The following EPG5 variants were observed in gnomAD, a reference collection of about 807,000 sequenced individuals.
EPG5 encodes the protein ectopic P-granules 5 autophagy tethering factor.
Under a neutral mutation model 302.7 loss-of-function variants are expected in EPG5, and 159 were observed. The ratio of observed to expected loss-of-function variants is 0.53; its 90% CI spans 0.46 to 0.60. The LOEUF (loss-of-function observed/expected upper bound fraction) is 0.60. Among genes scored for constraint, EPG5 ranks in the 20% least tolerant of loss-of-function variants. The pLI, the probability that EPG5 is intolerant of heterozygous loss-of-function variation, is 0.00. For synonymous variants in EPG5, 1,158 were observed against 1,136.8 expected, an observed-to-expected ratio of 1.02 and a Z score of -0.37; for missense variants, 2,896 against 3,092.4, an observed-to-expected ratio of 0.94 and a Z score of 1.51.
intron 24 of EPG5, among the ~76,000 whole-genome samples, chr18:45,906,289 T>G (rs528801820): frequency 6.6e-6 from 1 of 152,336 alleles, no homozygotes; most frequent in Admixed American, 6.5e-5. Context: ...GCTATTTCAA[T>G]AGTTCTCCAA....
chr18:45,802,829 A>T, the EPG5 span, among the ~76,000 whole-genome samples: 1 of 152,230 alleles, frequency 6.6e-6, no homozygotes, highest in African/African-American at 2.4e-5. Flanking sequence ...CTGGTAAATC[A>T]AGTTTATACC....
chr18:45,917,962 A>G, intron 16 of EPG5, 143 bp from the exon 17 acceptor site: 1 of 748,168 alleles, frequency 1.3e-6, no homozygotes, highest in East Asian at 2.9e-5. Flanking sequence ...ACACAGAAAT[A>G]CTAAACCCAG....
the EPG5 span, among the ~76,000 whole-genome samples, chr18:45,841,593 C>T: frequency 5.0e-3 from 758 of 152,108 alleles, 3 homozygotes; most frequent in Non-Finnish European, 7.2e-3. Flanking sequence ...AGTGGGTAGA[C>T]GGGAGGCAGG....
chr18:45,887,081 TGA>T (rs1358896251), intron 29 of EPG5, among the ~76,000 whole-genome samples: 1 of 152,228 alleles, frequency 6.6e-6, no homozygotes, highest in African/African-American at 2.4e-5. Context: ...TGAATTTGGG[TGA>T]GAGTACATGG....
chr18:45,898,619 A>G (rs2049533102), intron 27 of EPG5, among the ~76,000 whole-genome samples: 1 of 152,108 alleles, frequency 6.6e-6, no homozygotes, highest in Non-Finnish European at 1.5e-5. Context: ...TCTGCTTCCC[A>G]TATATCCTTC....
At chr18:45,946,041 A>G (rs1269340163) in intron 7 of EPG5, among the ~76,000 whole-genome samples, 1 of 152,252 alleles carries the variant, frequency 6.6e-6, no homozygotes. Context: ...ATAAAGGACT[A>G]GAACTGATAA....
At chr18:45,929,067 C>A (rs571789371) in intron 12 of EPG5, 58 bp from the exon 13 acceptor site, 2 of 1,518,810 alleles carry the variant, frequency 1.3e-6, no homozygotes, top group East Asian at 2.3e-5. Flanking sequence ...GCAGTCAAAA[C>A]ACACTTATAT....
chr18:45,865,027 C>G (rs958848359), intron 39 of EPG5, among the ~76,000 whole-genome samples: 6 of 152,296 alleles, frequency 3.9e-5, no homozygotes, highest in Admixed American at 3.3e-4. Flanking sequence ...ACCACCTCCC[C>G]CTAATATCCA....
the EPG5 span, among the ~76,000 whole-genome samples, chr18:45,829,622 C>T: frequency 1.3e-5 from 2 of 152,138 alleles, no homozygotes; most frequent in East Asian, 1.9e-4. Context: ...GTGCCACCCC[C>T]GGAGCCACAC....
At chr18:45,840,299 C>G in the EPG5 span, 20 of 1,553,322 alleles carry the variant, frequency 1.3e-5, no homozygotes, top group Non-Finnish European at 1.7e-5. Context: ...CCTCATCACC[C>G]AGGGGGTCCA....
intron 13 of EPG5, among the ~76,000 whole-genome samples, chr18:45,928,006 C>T (rs1285955919): frequency 6.6e-6 from 1 of 151,968 alleles, no homozygotes; most frequent in African/African-American, 2.4e-5. Flanking sequence ...CCAGCCTGAC[C>T]AACACAGTGA....
At chr18:45,820,197 A>T in the EPG5 span, among the ~76,000 whole-genome samples, 1 of 152,216 alleles carries the variant, frequency 6.6e-6, no homozygotes, top group Non-Finnish European at 1.5e-5. Context: ...GACTATCTCC[A>T]TCCAGAATGA....
chr18:45,926,681 T>C (rs1442718344), intron 13 of EPG5, among the ~76,000 whole-genome samples: 1 of 151,872 alleles, frequency 6.6e-6, no homozygotes, highest in African/African-American at 2.4e-5. Flanking sequence ...TAGCCAGGCA[T>C]GGTGGCACGC....
chr18:45,819,957 C>T, the EPG5 span, among the ~76,000 whole-genome samples: 308 of 152,250 alleles, frequency 2.0e-3, no homozygotes, highest in Middle Eastern at 0.024. Context: ...ATAAGGAGGC[C>T]ATCATCATCC....
intron 30 of EPG5, among the ~76,000 whole-genome samples, chr18:45,883,056 T>C (rs2049134750): frequency 1.3e-5 from 2 of 151,806 alleles, no homozygotes; most frequent in African/African-American, 2.4e-5. Flanking sequence ...GGTGCCATTA[T>C]GCATCTATTT....
the EPG5 span, among the ~76,000 whole-genome samples, chr18:45,841,779 A>C: frequency 2.6e-5 from 4 of 152,164 alleles, no homozygotes; most frequent in African/African-American, 9.7e-5. Context: ...ATTCCCACTG[A>C]GATGTCCTAG....
At chr18:45,946,532 A>T (rs75438218) in intron 7 of EPG5, 131 bp downstream of exon 7, 1 of 663,086 alleles carries the variant, frequency 1.5e-6, no homozygotes, top group Non-Finnish European at 2.6e-6. Context: ...AATAGGAATC[A>T]TAAGTCTTTA....
chr18:45,948,477 A>G (rs756232103), intron 6 of EPG5, 26 bp downstream of exon 6: 3 of 1,581,934 alleles, frequency 1.9e-6, no homozygotes, highest in Non-Finnish European at 1.7e-6. Context: ...TTCAATCTCT[A>G]CTTCACAAAG....
the EPG5 span, among the ~76,000 whole-genome samples, chr18:45,804,351 GA>G: frequency 1.3e-5 from 2 of 151,946 alleles, no homozygotes; most frequent in African/African-American, 2.4e-5. Flanking sequence ...ACATGGGGTA[GA>G]AAAAAATTAT....
Sources: allele counts gnomAD v4.1 joint callset (sites outside exome capture counted in the v4.1 genomes callset), GRCh38; gene constraint gnomAD v4.1.1; transcripts MANE v1.5; gene names NCBI Gene and HGNC (gene_info 2026-07-23, HGNC 2026-07-21).